PIEZO2: variants seen among roughly 807,000 people sequenced by gnomAD.
PIEZO2 encodes piezo-type mechanosensitive ion channel component 2.
Under a neutral mutation model 337.3 loss-of-function variants are expected in PIEZO2, and 172 were observed. The observed-to-expected ratio is 0.51, with a 90% CI of 0.45 to 0.58. The LOEUF is 0.58. PIEZO2 is among the 20% of genes least tolerant of loss of function. The pLI is 0.00. For missense variants in PIEZO2, 3,028 were observed against 3,391.3 expected, an observed-to-expected ratio of 0.89 and a Z score of 2.66; for synonymous variants, 1,251 against 1,228.5, an observed-to-expected ratio of 1.02 and a Z score of -0.38.
At chr18:11,068,046 C>T (rs979162213) in intron 1 of PIEZO2, among the ~76,000 whole-genome samples, 3 of 152,168 alleles carry the variant, frequency 2.0e-5, no homozygotes, top group Non-Finnish European at 2.9e-5. Flanking sequence ...CTCAGCCTCC[C>T]GAGTAACTGG....
Position 10,819,884 on chromosome 18 carries a change from G to T in PIEZO2, c.918-12610C>A, listed in dbSNP as rs555411859. On this transcript the variant is annotated intron_variant, in intron 7 of 55. Transcript: ENST00000674853. The surrounding 1 kb of genome is among the most constrained non-coding windows in gnomAD (Gnocchi z 4.3). ...TGGTGCAAAATTCTCTCAGTCTTTCGTATCTGATAATATCTTTATTTGACC... is the reference window on the plus strand; with the variant it reads ...TGGTGCAAAATTCTCTCAGTCTTTCTTATCTGATAATATCTTTATTTGACC... Among the ~76,000 whole-genome samples, 4 of 152,080 alleles carry T rather than the reference G, an allele frequency of 2.6e-5. No individual in the cohort carries two copies. The highest frequency in any genetic ancestry group is 2.1e-4 in the South Asian group (1 of 4,832).
chr18:10,808,673 AT>A (rs1299016429), intron 7 of PIEZO2, among the ~76,000 whole-genome samples: 2 of 152,212 alleles, frequency 1.3e-5, no homozygotes, highest in Non-Finnish European at 2.9e-5. Context: ...AGACAGATTT[AT>A]TTTTGGAGTT....
chr18:10,723,240 T>C (rs373690828), intron 36 of PIEZO2, among the ~76,000 whole-genome samples: 43 of 152,254 alleles, frequency 2.8e-4, no homozygotes, highest in African/African-American at 9.9e-4. Context: ...GTGCTGGGAT[T>C]ACAGGCGTGA....
intron 39 of PIEZO2, among the ~76,000 whole-genome samples, chr18:10,710,498 GT>G (rs1463135662): frequency 6.6e-6 from 1 of 152,166 alleles, no homozygotes; most frequent in Non-Finnish European, 1.5e-5. Context: ...TGTTTTCTGT[GT>G]TATCTGATTA....
rs1205615291 is a variant in PIEZO2 at position 10,794,844 on chromosome 18, A to G, written c.1686T>C (p.Ser562=). Residue 562 remains serine, a synonymous_variant, in exon 13 of 56, where the codon AGT becomes AGC. Transcript: ENST00000674853. This position sits in a 1 kb window ranked among gnomAD's most constrained non-coding sequence, Gnocchi z 6.6. ...NLLLILQYIW[S]FELPEIKKVP... is the part of the protein sequence containing the mutation. Reference sequence around the variant, plus strand: ...CTTTTTTAATTTCAGGAAGTTCAAAACTCCATATATACTGTAATATCAACA... The same window carrying G: ...CTTTTTTAATTTCAGGAAGTTCAAAGCTCCATATATACTGTAATATCAACA... 5.2e-6 allele frequency: 8 copies of G among 1,536,938 alleles called. No individual in the cohort carries two copies. Among genetic ancestry groups the G allele is most frequent in the South Asian group, 4.8e-5 (4 of 83,904 alleles).
chr18:10,715,887 C>T lies in PIEZO2; in HGVS notation c.5090-71G>A, dbSNP rs138525781. On this transcript the variant is annotated intron_variant, in intron 37 of 55. Transcript: ENST00000674853. The stretch of plus-strand genomic sequence containing the variant: ...TTGATTTTACTTTTGTGTAGCCCAG[C>T]GATGTTTTACCAAAGCTGGACCTGG... 1,116 of 1,272,942 alleles carry T rather than the reference C, an allele frequency of 8.8e-4. 9 individuals are homozygous for T. In the African/African-American group the frequency reaches 0.015, roughly 18 times the overall value. 78.9% of individuals were successfully genotyped at this position (1,272,942 alleles called of 1,614,324 possible).
In PIEZO2 at chr18:10,878,548, A is replaced by C. The variant is rs2144831780; in HGVS notation, c.330-7133T>G. On this transcript the variant is annotated intron_variant, in intron 4 of 55. Coordinates refer to ENST00000674853, the MANE Select transcript of PIEZO2 (RefSeq NM_001378183.1). This position sits in a 1 kb window ranked among gnomAD's most constrained non-coding sequence, Gnocchi z 4.3. ...TAAAACATATGTTCATAGTTATTAAATAAATGTGTTGGAGAAAATATTTCA... is the reference window on the plus strand; with the variant it reads ...TAAAACATATGTTCATAGTTATTAACTAAATGTGTTGGAGAAAATATTTCA... Among the ~76,000 whole-genome samples the C allele has an allele frequency of 6.6e-6, 1 of 152,380 alleles. No individual in the cohort carries two copies. The highest frequency in any genetic ancestry group is 1.9e-4 in the East Asian group (1 of 5,190).
rs969465773 is a variant in PIEZO2, at chr18:11,096,972, A to G, written c.65-30750T>C. On this transcript the variant is annotated intron_variant, in intron 1 of 55. Transcript: ENST00000674853. The surrounding 1 kb of genome is among the most constrained non-coding windows in gnomAD (Gnocchi z 4.6). The stretch of plus-strand genomic sequence containing the variant: ...AAGATTTTCACTTGCTTTGTCTAGG[A>G]AAGATTTAAATGCCTAACGCCAGCA... 6.6e-6 allele frequency among the ~76,000 whole-genome samples: 1 copy of G among 152,228 alleles called. No individual in the cohort carries two copies. Among genetic ancestry groups the G allele is most frequent in the Non-Finnish European group, 1.5e-5 (1 of 68,040 alleles).
rs1411826421 is a variant in PIEZO2 at position 10,787,118 on chromosome 18, G to T, written c.2236C>A (p.Leu746Met). ...FWMSVVIYTM[L>M]VLIFIYTYQF... Reference sequence around the variant, plus strand: ...TATGTGTATATAAAGATAAGCACCAGCATAGTGTAAATAACCACTGACATC... The same window carrying T: ...TATGTGTATATAAAGATAAGCACCATCATAGTGTAAATAACCACTGACATC... Residue 746 changes from leucine (L) to methionine (M), a missense_variant, in exon 16 of 56, where the codon CTG becomes ATG. By Grantham distance (15) the Leu-to-Met change is conservative (BLOSUM62 2). Transcript: ENST00000674853. 18 of 1,535,392 alleles carry T rather than the reference G, an allele frequency of 1.2e-5. No individual in the cohort carries two copies. Among genetic ancestry groups the T allele is most frequent in the Non-Finnish European group, 1.5e-5 (17 of 1,145,898 alleles).
intron 18 of PIEZO2, among the ~76,000 whole-genome samples, chr18:10,779,643 TAG>T (rs756604686): frequency 6.6e-6 from 1 of 152,258 alleles, no homozygotes; most frequent in Non-Finnish European, 1.5e-5. Context: ...ATCTTTCAAG[TAG>T]AGATATATTT....
Position 10,746,786 on chromosome 18 carries a change from C to T in PIEZO2, c.4424+1685G>A, listed in dbSNP as rs553943271. ...GGCCATCTATGAGGAAGTGGGCCCT[C>T]GGCCGACACTGAATCTGCTCGAACC... On this transcript the variant is annotated intron_variant, in intron 30 of 55. Transcript: ENST00000674853. The surrounding 1 kb of genome is among the most constrained non-coding windows in gnomAD (Gnocchi z 4.2). 1.3e-5 allele frequency among the ~76,000 whole-genome samples: 2 copies of T among 152,272 alleles called. No homozygotes were observed. Among genetic ancestry groups the T allele is most frequent in the African/African-American group, 2.4e-5 (1 of 41,556 alleles).
In PIEZO2 at chr18:11,044,198, A is replaced by C. The variant is rs1049910811; in HGVS notation, c.160+21929T>G. Among the ~76,000 whole-genome samples, 23 of 149,642 alleles carry C rather than the reference A, an allele frequency of 1.5e-4. 1 individual carries two copies. The highest frequency in any genetic ancestry group is 5.6e-4 in the African/African-American group (23 of 41,070). ...ACACACACACACTAATATAATATATATTATACATAAAATATATATTTAAAT... is the reference window on the plus strand; with the variant it reads ...ACACACACACACTAATATAATATATCTTATACATAAAATATATATTTAAAT... On this transcript the variant is annotated intron_variant, in intron 2 of 55. Transcript: ENST00000674853.
Position 10,889,870 on chromosome 18 carries a change from C to A in PIEZO2, c.330-18455G>T, listed in dbSNP as rs557054858. Among the ~76,000 whole-genome samples, 19 of 152,316 alleles carry A rather than the reference C, an allele frequency of 1.2e-4. No individual in the cohort carries two copies. The South Asian group carries it at 2.3e-3, about 18-fold the overall frequency. ...TGTGTTAGCCACATAGAAGAAAGAG[C>A]TCCCAAGGACCTTTCCAGGGGCTCC... On this transcript the variant is annotated intron_variant, in intron 4 of 55. Coordinates refer to ENST00000674853, the MANE Select transcript of PIEZO2 (RefSeq NM_001378183.1).
chr18:10,670,331 A>G lies in PIEZO2; in HGVS notation c.*1196T>C, dbSNP rs1300226531. ...ATTTTTGACATATTCTAGTCCATTC[A>G]ATGATTCTTCTCAGAAACTGTATCT... On this transcript the variant is annotated 3_prime_UTR_variant, in exon 56 of 56. Transcript: ENST00000674853. The G allele has an allele frequency of 6.6e-6, 1 of 152,196 alleles. No individual in the cohort carries two copies. The highest frequency in any genetic ancestry group is 1.5e-5 in the Non-Finnish European group (1 of 68,022). The allele number at this position is 152,196 out of a possible 1,614,324, so 9.4% of individuals were successfully genotyped here.
At position 10,680,364 on chromosome 18, in the gene PIEZO2, A is replaced by G. The variant is rs776232731; in HGVS notation, c.7787T>C (p.Met2596Thr). Reference protein sequence around the residue: ...IQAFSRDTGAMQFLENYEKED... With the variant: ...IQAFSRDTGATQFLENYEKED... ...TTTTTCATAATTTTCCAGAAATTGC[A>G]TAGCACCCTGTATGTGCACAAATGC... The change falls in exon 52 of 56, where the codon ATG becomes ACG. Residue 2596 changes from methionine (M) to threonine (T), a missense_variant. By Grantham distance (81) the Met-to-Thr change is moderately conservative. Around this residue, in one of 5 missense-constraint regions of PIEZO2, gnomAD observed 332 missense variants for 363.8 expected, o/e 0.91. Coordinates refer to ENST00000674853, the MANE Select transcript of PIEZO2 (RefSeq NM_001378183.1). 1.2e-6 allele frequency: 2 copies of G among 1,613,828 alleles called. No individual in the cohort carries two copies. Among genetic ancestry groups the G allele is most frequent in the Non-Finnish European group, 1.7e-6 (2 of 1,179,824 alleles).
At chr18:10,700,988 C>A (rs983809824) in intron 43 of PIEZO2, among the ~76,000 whole-genome samples, 1 of 152,132 alleles carries the variant, frequency 6.6e-6, no homozygotes, top group Non-Finnish European at 1.5e-5. Flanking sequence ...TCAGATGAAA[C>A]CGAGTTTGAA....
chr18:10,800,624 G>A, intron 10 of PIEZO2, 149 bp from the exon 11 acceptor site: 1 of 929,774 alleles, frequency 1.1e-6, no homozygotes, highest in Non-Finnish European at 1.5e-6. Context: ...AAATATTTTA[G>A]TAAGGGGAAT....
At chr18:10,883,905 G>A (rs2042498349) in intron 4 of PIEZO2, among the ~76,000 whole-genome samples, 1 of 146,474 alleles carries the variant, frequency 6.8e-6, no homozygotes, top group Non-Finnish European at 1.5e-5. Context: ...CCCCCTCCCA[G>A]GTTCATGCTA....
rs2041068780 is a variant in PIEZO2, at chr18:10,837,925, T to C, written c.917+17428A>G. Among the ~76,000 whole-genome samples, 1 of 152,124 alleles carries C rather than the reference T, an allele frequency of 6.6e-6. No individual in the cohort carries two copies. The highest frequency in any genetic ancestry group is 1.5e-5 in the Non-Finnish European group (1 of 68,032). ...TGCCACCATGCCCGGCTAATTTTTGTATTTTTAGTAGAGACGGGGTTTCGT... is the reference window on the plus strand; with the variant it reads ...TGCCACCATGCCCGGCTAATTTTTGCATTTTTAGTAGAGACGGGGTTTCGT... On this transcript the variant is annotated intron_variant, in intron 7 of 55. Transcript: ENST00000674853. The surrounding 1 kb of genome is among the most constrained non-coding windows in gnomAD (Gnocchi z 4.4).
Sources: gnomAD v4.1 joint callset for allele counts (sites outside exome capture counted in the v4.1 genomes callset) on GRCh38, gnomAD v4.1.1 for gene constraint, gnomAD v4.1.1 regional missense constraint, Gnocchi (gnomAD v3.1) non-coding constraint, MANE v1.5 for transcripts, NCBI Gene and HGNC (gene_info 2026-07-23, HGNC 2026-07-21) for gene names.